Variants in MTUS2 observed in about 807,000 individuals in gnomAD.
MTUS2 encodes microtubule associated scaffold protein 2, also known as microtubule-associated tumor suppressor candidate 2.
A neutral mutation model predicts 114.1 loss-of-function variants in MTUS2; 40 were observed. That is an observed-to-expected ratio of 0.35 (90% CI 0.27 to 0.46). The LOEUF is 0.46. MTUS2 is among the 20% of genes least tolerant of loss of function. The pLI is 1.00. For missense variants in MTUS2, 1,679 were observed against 1,705.4 expected (o/e 0.98, Z 0.27); for synonymous variants, 688 against 672.0 (o/e 1.02, Z -0.37).
chr13:29,475,722 T>C (rs1267170903), intron 9 of MTUS2, among the ~76,000 whole-genome samples: 1 of 152,166 alleles, frequency 6.6e-6, no homozygotes, highest in African/African-American at 2.4e-5. Context: ...AGAAAAACCA[T>C]GTTTGAACAG....
intron 1 of MTUS2, among the ~76,000 whole-genome samples, chr13:28,821,539 C>T (rs1873902610): frequency 6.6e-6 from 1 of 152,224 alleles, no homozygotes; most frequent in East Asian, 1.9e-4. Flanking sequence ...CCAGTACTCA[C>T]ATTTATGGCT....
chr13:29,053,473 TG>T (rs1375383282), intron 4 of MTUS2, among the ~76,000 whole-genome samples: 1 of 152,194 alleles, frequency 6.6e-6, no homozygotes, highest in Non-Finnish European at 1.5e-5. Context: ...GGTTCCAGTT[TG>T]GGGAGGTTTG....
At chr13:29,266,160 A>T (rs1897660146) in intron 5 of MTUS2, among the ~76,000 whole-genome samples, 2 of 152,308 alleles carry the variant, frequency 1.3e-5, no homozygotes, top group South Asian at 4.1e-4. Flanking sequence ...CAGTGGCATT[A>T]CCACTGAGTG....
At chr13:29,255,712 G>A (rs1248363977) in intron 5 of MTUS2, among the ~76,000 whole-genome samples, 1 of 151,944 alleles carries the variant, frequency 6.6e-6, no homozygotes, top group Non-Finnish European at 1.5e-5. Flanking sequence ...AGCCTGGGGG[G>A]TGGGGGAGGG....
chr13:29,497,146 C>T, intron 12 of MTUS2, 92 bp from the exon 13 acceptor site: 2 of 1,111,406 alleles, frequency 1.8e-6, no homozygotes, highest in Non-Finnish European at 2.7e-6. Context: ...ATGCCCAGGG[C>T]ACAGTGGTGG....
intron 5 of MTUS2, among the ~76,000 whole-genome samples, chr13:29,211,252 G>A (rs1219983602): frequency 6.6e-6 from 1 of 152,156 alleles, no homozygotes; most frequent in Admixed American, 6.5e-5. Context: ...AGGGGACTGG[G>A]GGAAAGCTGG....
rs377437375 is a variant in MTUS2 at position 29,359,284 on chromosome 13, G to A, written c.2928G>A (p.Ala976=). ...HSPGYPKQRT[A]AARNGFPPKP... ...CAGGATACCCAAAGCAGAGGACTGC[G>A]GCAGCTCGAAATGGGTTTCCGCCCA... Residue 976 remains alanine (A), a synonymous_variant, in exon 8 of 16, where the codon GCG becomes GCA. Transcript: ENST00000612955. 44 of 1,603,554 alleles carry A rather than the reference G, an allele frequency of 2.7e-5. No individual in the cohort carries two copies. Among genetic ancestry groups the A allele is most frequent in the Middle Eastern group, 1.6e-4 (1 of 6,072 alleles).
chr13:29,241,706 T>A (rs1398894093), intron 5 of MTUS2, among the ~76,000 whole-genome samples: 1 of 152,224 alleles, frequency 6.6e-6, no homozygotes, highest in East Asian at 1.9e-4. Context: ...TTAGTTTATC[T>A]CTGTGTACTG....
chr13:29,024,957 GGCTCTCAGGCTGGCTCTGCCAGCC>G lies in MTUS2; in HGVS notation c.260_283del (p.Gly87_Leu95delinsVal). 1 of 1,613,638 alleles carries G rather than the reference GGCTCTCAGGCTGGCTCTGCCAGCC, an allele frequency of 6.2e-7. No individual in the cohort carries two copies. Among genetic ancestry groups the G allele is most frequent in the Non-Finnish European group, 8.5e-7 (1 of 1,179,762 alleles). ...TCACCAACTTCAGGGCTTTGGGAAAGGCTCTCAGGCTGGCTCTGCCAGCCTGAAAGATTTTAGACTTTCTTCAAC... is the reference window on the plus strand; with the variant it reads ...TCACCAACTTCAGGGCTTTGGGAAAGTGAAAGATTTTAGACTTTCTTCAAC... On this transcript the variant is annotated inframe_deletion, in exon 3 of 16. Coordinates refer to ENST00000612955, the MANE Select transcript of MTUS2 (RefSeq NM_001033602.4).
At chr13:29,249,708 C>T (rs1482684824) in intron 5 of MTUS2, among the ~76,000 whole-genome samples, 2 of 152,006 alleles carry the variant, frequency 1.3e-5, no homozygotes, top group African/African-American at 4.8e-5. Context: ...AATATTAGAC[C>T]TTTGTCAGAT....
At chr13:29,066,763 GTA>G (rs1888684758) in intron 4 of MTUS2, among the ~76,000 whole-genome samples, 1 of 152,210 alleles carries the variant, frequency 6.6e-6, no homozygotes, top group African/African-American at 2.4e-5. Flanking sequence ...AACTTAATGG[GTA>G]TATAAAGAGA....
chr13:29,412,151 G>A (rs1875289228), intron 8 of MTUS2, among the ~76,000 whole-genome samples: 2 of 152,172 alleles, frequency 1.3e-5, no homozygotes, highest in South Asian at 4.1e-4. Flanking sequence ...TCCTTGCTTT[G>A]TTCCTGATTT....
chr13:29,445,441 C>G (rs548388471), intron 9 of MTUS2, among the ~76,000 whole-genome samples: 2 of 152,272 alleles, frequency 1.3e-5, no homozygotes, highest in East Asian at 3.9e-4. Context: ...GCTATAAACT[C>G]AGAGGTTGCC....
chr13:29,109,610 AAAT>A (rs1362415400), intron 5 of MTUS2, among the ~76,000 whole-genome samples: 1 of 152,106 alleles, frequency 6.6e-6, no homozygotes, highest in Non-Finnish European at 1.5e-5. Context: ...CCTCATTGTA[AAAT>A]AATAATAATA....
At chr13:28,823,683 G>A (rs1295028851) in intron 1 of MTUS2, among the ~76,000 whole-genome samples, 1 of 152,162 alleles carries the variant, frequency 6.6e-6, no homozygotes, top group East Asian at 1.9e-4. Flanking sequence ...CCCTCCAACG[G>A]ATTTGAAAAC....
chr13:29,472,670 C>A (rs1880406499), intron 9 of MTUS2, among the ~76,000 whole-genome samples: 1 of 152,126 alleles, frequency 6.6e-6, no homozygotes, highest in African/African-American at 2.4e-5. Context: ...AGGAATGTAT[C>A]CTAAATGAAA....
At chr13:29,290,862 G>A (rs1248153922) in intron 6 of MTUS2, among the ~76,000 whole-genome samples, 2 of 152,128 alleles carry the variant, frequency 1.3e-5, no homozygotes, top group African/African-American at 4.8e-5. Flanking sequence ...CAAATCCTTA[G>A]CACCAACAAT....
chr13:29,435,006 G>A (rs898458779), intron 8 of MTUS2, among the ~76,000 whole-genome samples: 10 of 152,240 alleles, frequency 6.6e-5, no homozygotes, highest in Non-Finnish European at 1.2e-4. Context: ...CAGGGAGTGA[G>A]TTGGATGTTT....
chr13:29,158,577 C>T (rs183817634), intron 5 of MTUS2, among the ~76,000 whole-genome samples: 2 of 151,856 alleles, frequency 1.3e-5, no homozygotes, highest in Admixed American at 6.6e-5. Flanking sequence ...AGAAAAAATA[C>T]CTTCTTGGCT....
Sources: gnomAD v4.1 joint callset for allele counts (sites outside exome capture counted in the v4.1 genomes callset) on GRCh38, gnomAD v4.1.1 for gene constraint, MANE v1.5 for transcripts, NCBI Gene and HGNC (gene_info 2026-07-23, HGNC 2026-07-21) for gene names.